COL12A1: variants seen among roughly 807,000 people sequenced by gnomAD.
The protein encoded by COL12A1 is collagen type XII alpha 1 chain, also known as collagen alpha-1(XII) chain.
A neutral mutation model predicts 349.7 loss-of-function variants in COL12A1; 114 were observed. The ratio of observed to expected loss-of-function variants is 0.33; its 90% CI spans 0.28 to 0.38. COL12A1 has a LOEUF of 0.38. Among genes scored for constraint, COL12A1 ranks in the 10% least tolerant of loss-of-function variants. The pLI is 1.00. For synonymous variants in COL12A1, 1,369 were observed against 1,329.0 expected (o/e 1.03, Z -0.66); for missense variants, 3,284 against 3,756.9 (o/e 0.87, Z 3.29).
intron 51 of COL12A1, 141 bp from the exon 52 acceptor site, chr6:75,109,308 G>A (rs1768717575): frequency 3.4e-6 from 2 of 587,644 alleles, no homozygotes; most frequent in Non-Finnish European, 5.6e-6. Context: ...AAATCCAAGA[G>A]CAGTTGGCAA....
intron 39 of COL12A1, 105 bp from the exon 40 acceptor site, chr6:75,125,378 A>G (rs1375723920): frequency 9.3e-7 from 1 of 1,072,980 alleles, no homozygotes; most frequent in African/African-American, 1.6e-5. Context: ...AACACGATTA[A>G]TTCCATAGTC....
Position 75,189,497 on chromosome 6 carries a change from T to G in COL12A1, c.658+55A>C, listed in dbSNP as rs188434440. 1.2e-4 allele frequency: 191 copies of G among 1,583,898 alleles called. No homozygotes were observed. In the African/African-American group the frequency reaches 2.4e-3, roughly 20 times the overall value. On this transcript the variant is annotated intron_variant, in intron 6 of 65. Coordinates refer to ENST00000322507, the MANE Select transcript of COL12A1 (RefSeq NM_004370.6). Reference sequence around the variant, plus strand: ...ATGTAATAGGCAATGCATCATTTCTTTCTGAAACAGACATTTCATTTATTT... The same window carrying G: ...ATGTAATAGGCAATGCATCATTTCTGTCTGAAACAGACATTTCATTTATTT...
intron 57 of COL12A1, 132 bp from the exon 58 acceptor site, chr6:75,101,785 C>T: frequency 9.4e-7 from 1 of 1,060,856 alleles, no homozygotes; most frequent in Non-Finnish European, 1.4e-6. Flanking sequence ...GAGCCAAGCA[C>T]ATTGCCAAGC....
Position 75,148,376 on chromosome 6 carries a change from A to G in COL12A1, c.4269T>C (p.Ser1423=), listed in dbSNP as rs2149410457. 3.1e-6 allele frequency: 5 copies of G among 1,612,884 alleles called. No homozygotes were observed. The highest frequency in any genetic ancestry group is 3.4e-6 in the Non-Finnish European group (4 of 1,179,316). ...TACTCACTTCTTGACGTTTCCCTCC[A>G]GAAACTGGATAGTATTCCACCTTAT... ...DRYKVEYYPV[S]GGKRQEFYVS... is the part of the protein sequence containing the mutation. The change falls in exon 22 of 66, where the codon TCT becomes TCC. Residue 1423 remains serine, a synonymous_variant. Transcript: ENST00000322507.
intron 13 of COL12A1, among the ~76,000 whole-genome samples, chr6:75,169,321 G>A (rs1187017816): frequency 6.6e-6 from 1 of 152,126 alleles, no homozygotes; most frequent in African/African-American, 2.4e-5. Flanking sequence ...TACCTAAGAG[G>A]GACTAGGAAA....
Position 75,151,940 on chromosome 6 carries a change from A to G in COL12A1, c.3927T>C (p.Asp1309=), listed in dbSNP as rs1174895531. ...RARKIGVLIT[D]GKSQDDVEAP... ...CTTCAACATCGTCTTGTGATTTTCC[A>G]TCAGTAATGAGCACACCAATTTTTC... Residue 1309 remains aspartate, a synonymous_variant, in exon 20 of 66, where the codon GAT becomes GAC. Transcript: ENST00000322507. 8.1e-6 allele frequency: 13 copies of G among 1,613,894 alleles called. No homozygotes were observed. The South Asian group carries it at 9.9e-5, about 12-fold the overall frequency.
At chr6:75,197,108 C>T (rs1176074635) in intron 2 of COL12A1, among the ~76,000 whole-genome samples, 1 of 152,140 alleles carries the variant, frequency 6.6e-6, no homozygotes, top group Non-Finnish European at 1.5e-5. Context: ...TCTATTTGTA[C>T]ATTTGTTTGT....
At chr6:75,135,531 T>C (rs1372928398) in intron 31 of COL12A1, among the ~76,000 whole-genome samples, 1 of 152,228 alleles carries the variant, frequency 6.6e-6, no homozygotes, top group African/African-American at 2.4e-5. Flanking sequence ...GCTATCTTGT[T>C]GAAAGAAAAT....
chr6:75,113,196 G>A lies in COL12A1; in HGVS notation c.7950+8C>T, dbSNP rs749682865. ...AGAAATAAGACTCAAATAATCTTAT[G>A]TTTTTACCTTGTGAAAACTTCCATA... On this transcript the variant is annotated splice_region_variant and intron_variant, in intron 51 of 65. Transcript: ENST00000322507. 6.9e-7 allele frequency: 1 copy of A among 1,442,454 alleles called. No individual in the cohort carries two copies. The highest frequency in any genetic ancestry group is 9.4e-7 in the Non-Finnish European group (1 of 1,065,862). 89.4% of individuals were successfully genotyped at this position (1,442,454 alleles called of 1,614,324 possible).
Position 75,102,657 on chromosome 6 carries a change from TG to T in COL12A1, c.8354del (p.Pro2785GlnfsTer26). The T allele has an allele frequency of 6.3e-7, 1 of 1,574,830 alleles. No individual in the cohort carries two copies. Among genetic ancestry groups the T allele is most frequent in the Non-Finnish European group, 8.6e-7 (1 of 1,161,908 alleles). On this transcript the variant is annotated frameshift_variant, in exon 56 of 66. Transcript: ENST00000322507. LOFTEE classifies it high-confidence loss of function. The stretch of plus-strand genomic sequence containing the variant: ...GAGGGCCTGGAGGACCCTGGGGGCC[TG>T]GAGGACCTATGTCTCCACGAGGACC... ...PPGPRGDIGP[P>X]GPQGPPGPQG... is the part of the protein sequence containing the mutation.
At chr6:75,201,900 C>G (rs1462652152) in intron 2 of COL12A1, among the ~76,000 whole-genome samples, 1 of 152,218 alleles carries the variant, frequency 6.6e-6, no homozygotes, top group Non-Finnish European at 1.5e-5. Context: ...GAGCGCCCCA[C>G]TGCCTCCGCG....
rs375570066 is a variant in COL12A1, at chr6:75,183,655, G to A, written c.1289-3C>T. On this transcript the variant is annotated splice_polypyrimidine_tract_variant and splice_region_variant and intron_variant, in intron 9 of 65. Coordinates refer to ENST00000322507, the MANE Select transcript of COL12A1 (RefSeq NM_004370.6). ...TATATCCACACCACGTGAGCATTCTGTAAAGAGAAAAAAAGTACATTAAAC... is the reference window on the plus strand; with the variant it reads ...TATATCCACACCACGTGAGCATTCTATAAAGAGAAAAAAAGTACATTAAAC... The A allele has an allele frequency of 2.5e-6, 4 of 1,585,736 alleles. No homozygotes were observed. The highest frequency in any genetic ancestry group is 1.4e-5 in the African/African-American group (1 of 72,880).
intron 1 of COL12A1, among the ~76,000 whole-genome samples, chr6:75,204,978 C>T (rs1297520246): frequency 6.6e-6 from 1 of 152,044 alleles, no homozygotes; most frequent in Non-Finnish European, 1.5e-5. Context: ...GAACTGGTCA[C>T]TGAAGGGCTC....
intron 12 of COL12A1, 51 bp from the exon 13 acceptor site, chr6:75,175,361 CT>C: frequency 6.4e-7 from 1 of 1,574,302 alleles, no homozygotes; most frequent in Non-Finnish European, 8.6e-7. Flanking sequence ...AAAAAAATGA[CT>C]TGAAAAACAC....
Position 75,138,967 on chromosome 6 carries a change from A to G in COL12A1, c.4958-6T>C. On this transcript the variant is annotated splice_polypyrimidine_tract_variant and splice_region_variant and intron_variant, in intron 27 of 65. Coordinates refer to ENST00000322507, the MANE Select transcript of COL12A1 (RefSeq NM_004370.6). ...TGTTGGGGCTGGCACGGGTCCTATC[A>G]TGAGAAAAGGCAAGCAGACTAAGTT... is the stretch of plus-strand genomic sequence containing the variant. 2 of 1,613,206 alleles carry G rather than the reference A, an allele frequency of 1.2e-6. No individual in the cohort carries two copies. The highest frequency in any genetic ancestry group is 1.7e-6 in the Non-Finnish European group (2 of 1,179,734).
intron 2 of COL12A1, among the ~76,000 whole-genome samples, chr6:75,199,690 A>C (rs1770424967): frequency 6.6e-6 from 1 of 152,222 alleles, no homozygotes; most frequent in Admixed American, 6.5e-5. Flanking sequence ...CCACTCAGAT[A>C]CAGTTGATAA....
chr6:75,184,247 T>G, intron 8 of COL12A1, 103 bp from the exon 9 acceptor site: 4 of 1,238,846 alleles, frequency 3.2e-6, no homozygotes, highest in Non-Finnish European at 4.4e-6. Context: ...AAATTCATCC[T>G]AAATACATTG....
intron 45 of COL12A1, 81 bp from the exon 46 acceptor site, chr6:75,119,267 G>A (rs7761959): frequency 6.2e-7 from 1 of 1,608,874 alleles, no homozygotes; most frequent in East Asian, 2.2e-5. Flanking sequence ...CAACTGATAA[G>A]AATCTGGATA....
intron 11 of COL12A1, among the ~76,000 whole-genome samples, chr6:75,178,515 T>G (rs1366541502): frequency 6.6e-6 from 1 of 152,230 alleles, no homozygotes; most frequent in Non-Finnish European, 1.5e-5. Context: ...ATCTACATCT[T>G]GAAGCTAAGA....
Sources: allele counts gnomAD v4.1 joint callset (sites outside exome capture counted in the v4.1 genomes callset), GRCh38; gene constraint gnomAD v4.1.1; transcripts MANE v1.5; gene names NCBI Gene and HGNC (gene_info 2026-07-23, HGNC 2026-07-21).